IREB2: variants seen among roughly 807,000 people sequenced by gnomAD.
The protein encoded by IREB2 is iron-responsive element-binding protein 2.
IREB2 carries 39 observed loss-of-function variants against 118.8 expected under a neutral mutation model. The observed-to-expected ratio is 0.33, with a 90% CI of 0.25 to 0.43. IREB2 has a LOEUF of 0.43. IREB2 is among the 20% of genes least tolerant of loss of function. IREB2 has a pLI of 1.00. For synonymous variants in IREB2, 372 were observed against 392.2 expected, an observed-to-expected ratio of 0.95 and a Z score of 0.61; for missense variants, 900 against 1,147.3, an observed-to-expected ratio of 0.78 and a Z score of 3.11.
chr15:78,480,618 G>A lies in IREB2; in HGVS notation c.1296+2221G>A, dbSNP rs146810977. Among the ~76,000 whole-genome samples, 214 of 150,896 alleles carry A rather than the reference G, an allele frequency of 1.4e-3. 6 individuals carry two copies. The East Asian group carries it at 0.038, about 27-fold the overall frequency. The stretch of plus-strand genomic sequence containing the variant: ...GCATGAGAATCGCTTGAACCCAGAA[G>A]GCGGAGGTTGCAGTGAGCTGAGATG... On this transcript the variant is annotated intron_variant, in intron 10 of 21. Transcript: ENST00000258886.
intron 18 of IREB2, among the ~76,000 whole-genome samples, chr15:78,491,488 A>G (rs2051749505): frequency 6.6e-6 from 1 of 150,840 alleles, no homozygotes; most frequent in African/African-American, 2.4e-5. Flanking sequence ...TTATTTATTT[A>G]TGTATGTATT....
intron 21 of IREB2, 54 bp from the exon 22 acceptor site, chr15:78,497,979 A>G (rs976792083): frequency 1.3e-5 from 13 of 963,890 alleles, no homozygotes; most frequent in Admixed American, 7.0e-5. Context: ...TTAACCATCA[A>G]GTAGCACCTG....
chr15:78,461,143 T>C (rs1406368214), intron 2 of IREB2, among the ~76,000 whole-genome samples: 2 of 152,240 alleles, frequency 1.3e-5, no homozygotes, highest in Non-Finnish European at 2.9e-5. Context: ...ATGTTCAAGA[T>C]GCGTCTTTTC....
At chr15:78,494,336 T>C in intron 20 of IREB2, 72 bp downstream of exon 20, 1 of 1,453,424 alleles carries the variant, frequency 6.9e-7, no homozygotes, top group South Asian at 1.3e-5. Context: ...AGTAACATCC[T>C]GTCAAAGTTT....
At position 78,497,246 on chromosome 15, in the gene IREB2, G is replaced by A. The variant is rs553777168; in HGVS notation, c.2716G>A (p.Gly906Ser). The change falls in exon 21 of 22, where the codon GGT becomes AGT. Residue 906 changes from glycine to serine, a missense_variant. By Grantham distance (56) the Gly-to-Ser change is moderately conservative. Transcript: ENST00000258886. ...AAATGCAGATTCCTTGGGCCTCTCC[G>A]GTAGAGAAACATTTTCTTTAACATT... ...GENADSLGLSGRETFSLTFPE... is the reference protein window; with the variant it reads ...GENADSLGLSSRETFSLTFPE... The A allele has an allele frequency of 6.2e-6, 10 of 1,613,690 alleles. No individual in the cohort carries two copies. The highest frequency in any genetic ancestry group is 1.7e-5 in the Admixed American group (1 of 60,018).
intron 13 of IREB2, among the ~76,000 whole-genome samples, chr15:78,486,595 A>T (rs1361698926): frequency 6.6e-6 from 1 of 151,710 alleles, no homozygotes; most frequent in Admixed American, 6.6e-5. Flanking sequence ...ACAGAGCGAG[A>T]CTCCATCTCA....
intron 3 of IREB2, among the ~76,000 whole-genome samples, chr15:78,464,054 A>C (rs935494660): frequency 1.3e-5 from 2 of 152,232 alleles, no homozygotes; most frequent in East Asian, 1.9e-4. Context: ...GTGTCCAATT[A>C]TTTCTTTCCA....
rs184486839 is a variant in IREB2, at chr15:78,480,663, T to C, written c.1296+2266T>C. Reference sequence around the variant, plus strand: ...GAGATGACACCACTACATTTCAGCCTGGGCAACAGAATGAGACTGTCTTAA... The same window carrying C: ...GAGATGACACCACTACATTTCAGCCCGGGCAACAGAATGAGACTGTCTTAA... On this transcript the variant is annotated intron_variant, in intron 10 of 21. Coordinates refer to ENST00000258886, the MANE Select transcript of IREB2 (RefSeq NM_004136.4). Among the ~76,000 whole-genome samples the C allele has an allele frequency of 1.5e-3, 182 of 117,630 alleles. 4 individuals carry two copies. The East Asian group carries it at 0.047, about 30-fold the overall frequency. 77.2% of individuals were successfully genotyped at this position (117,630 alleles called of 152,430 possible).
intron 18 of IREB2, among the ~76,000 whole-genome samples, chr15:78,491,979 G>A (rs1362844440): frequency 6.6e-6 from 1 of 152,156 alleles, no homozygotes; most frequent in South Asian, 2.1e-4. Flanking sequence ...TACAATTTTT[G>A]TAATTATTAT....
At chr15:78,470,781 A>G (rs1249462262) in intron 6 of IREB2, 180 bp downstream of exon 6, 4 of 360,168 alleles carry the variant, frequency 1.1e-5, no homozygotes, top group Non-Finnish European at 9.6e-6. Context: ...TGCAGCCTCC[A>G]CCTCCTGGGT....
At chr15:78,460,718 CAG>C (rs1370194324) in intron 2 of IREB2, among the ~76,000 whole-genome samples, 1 of 152,064 alleles carries the variant, frequency 6.6e-6, no homozygotes, top group African/African-American at 2.4e-5. Flanking sequence ...TTTTCAGTGA[CAG>C]AGCTAGAAAA....
intron 2 of IREB2, among the ~76,000 whole-genome samples, chr15:78,449,218 T>A (rs572209252): frequency 3.5e-4 from 54 of 152,240 alleles, no homozygotes; most frequent in East Asian, 1.4e-3. Flanking sequence ...ATAAAAAAAA[T>A]TTTTTTAAGT....
Position 78,499,880 on chromosome 15 carries a change from G to C in IREB2, c.*1737G>C, listed in dbSNP as rs940868419. On this transcript the variant is annotated 3_prime_UTR_variant, in exon 22 of 22. Coordinates refer to ENST00000258886, the MANE Select transcript of IREB2 (RefSeq NM_004136.4). ...GTTTTGTTTTGTTTTTTGAGACGGAGTCTTGCCCTGTGGCTGGGCTGGAGT... is the reference window on the plus strand; with the variant it reads ...GTTTTGTTTTGTTTTTTGAGACGGACTCTTGCCCTGTGGCTGGGCTGGAGT... The C allele has an allele frequency of 6.6e-6, 1 of 152,354 alleles. No individual in the cohort carries two copies. Among genetic ancestry groups the C allele is most frequent in the African/African-American group, 2.4e-5 (1 of 41,448 alleles). 9.4% of individuals were successfully genotyped at this position (152,354 alleles called of 1,614,324 possible). A position where few individuals can be genotyped will look rare whatever the true frequency, so the allele number is the denominator to read the frequency against.
intron 2 of IREB2, among the ~76,000 whole-genome samples, chr15:78,462,278 A>G (rs926704871): frequency 6.6e-6 from 1 of 152,164 alleles, no homozygotes; most frequent in Non-Finnish European, 1.5e-5. Flanking sequence ...AACTAACCCC[A>G]TATTAATTCA....
intron 2 of IREB2, among the ~76,000 whole-genome samples, chr15:78,461,105 C>T (rs1222686089): frequency 6.6e-6 from 1 of 152,198 alleles, no homozygotes; most frequent in South Asian, 2.1e-4. Flanking sequence ...AGTCCTGATA[C>T]ACCCTACCTA....
At chr15:78,495,832 T>C (rs921802166) in intron 20 of IREB2, among the ~76,000 whole-genome samples, 1 of 152,146 alleles carries the variant, frequency 6.6e-6, no homozygotes, top group African/African-American at 2.4e-5. Context: ...TACTAAAATT[T>C]TGGAGAGAAG....
chr15:78,491,757 A>T (rs1403379493), intron 18 of IREB2, among the ~76,000 whole-genome samples: 3 of 152,158 alleles, frequency 2.0e-5, no homozygotes, highest in African/African-American at 7.2e-5. Flanking sequence ...CGGCCCCCCA[A>T]ATTGCTGGGA....
chr15:78,477,827 G>A (rs763788244), intron 9 of IREB2, among the ~76,000 whole-genome samples: 9 of 152,068 alleles, frequency 5.9e-5, no homozygotes, highest in Non-Finnish European at 1.2e-4. Flanking sequence ...AGGCTAAGGC[G>A]GGAGAATCAC....
At chr15:78,470,268 T>TC (rs1225688880) in intron 5 of IREB2, among the ~76,000 whole-genome samples, 1 of 152,224 alleles carries the variant, frequency 6.6e-6, no homozygotes, top group African/African-American at 2.4e-5. Context: ...TATTATCACT[T>TC]GAGTACAGTT....
Sources: allele counts gnomAD v4.1 joint callset (sites outside exome capture counted in the v4.1 genomes callset), GRCh38; gene constraint gnomAD v4.1.1; transcripts MANE v1.5; gene names NCBI Gene and HGNC (gene_info 2026-07-23, HGNC 2026-07-21).